PCDH11X: variants seen among roughly 807,000 people sequenced by gnomAD.
PCDH11X encodes the protein protocadherin 11 X-linked.
Under a neutral mutation model 53.3 loss-of-function variants are expected in PCDH11X, and 18 were observed. The ratio of observed to expected loss-of-function variants is 0.34; its 90% CI spans 0.23 to 0.50. The LOEUF (loss-of-function observed/expected upper bound fraction) is 0.50, where lower values mean the gene tolerates loss of function less well. Among genes scored for constraint, PCDH11X ranks in the 20% least tolerant of loss-of-function variants. The pLI, the probability that PCDH11X is intolerant of heterozygous loss-of-function variation, is 0.98. For missense variants in PCDH11X, 570 were observed against 1,032.4 expected (o/e 0.55, Z 6.14); for synonymous variants, 279 against 393.3 (o/e 0.71, Z 3.44).
chrX:92,418,705 C>T (rs1223045704), intron 9 of PCDH11X, among the ~76,000 whole-genome samples: 2 of 110,258 alleles, frequency 1.8e-5, no homozygotes, highest in East Asian at 5.7e-4. Context: ...GGTCTTTTTG[C>T]CTCAGCCTCT....
chrX:92,568,137 A>G (rs1452554115), intron 10 of PCDH11X, among the ~76,000 whole-genome samples: 1 of 109,901 alleles, frequency 9.1e-6, no homozygotes, highest in Admixed American at 9.7e-5. Context: ...AAAAATTTTC[A>G]TAGGCTGGGC....
chrX:92,552,778 C>T lies in PCDH11X; in HGVS notation c.3368-65486C>T, dbSNP rs763652150. 2.9e-4 allele frequency among the ~76,000 whole-genome samples: 32 copies of T among 111,103 alleles called. No homozygotes were observed. The South Asian group carries it at 0.012, about 40-fold the overall frequency. On this transcript the variant is annotated intron_variant, in intron 10 of 10. Coordinates refer to ENST00000682573, the MANE Select transcript of PCDH11X (RefSeq NM_032968.5). ...AAATTTTTTCATATACTTTCAGCAT[C>T]AGTTGAAAAGATCATATGGATTTTA...
chrX:91,921,215 T>TC (rs1408708863), intron 6 of PCDH11X, among the ~76,000 whole-genome samples: 5 of 109,520 alleles, frequency 4.6e-5, no homozygotes, highest in South Asian at 4.0e-4. Context: ...TATAGAGATT[T>TC]CCCGTATCTT....
At chrX:92,069,413 G>A (rs1243642063) in intron 6 of PCDH11X, among the ~76,000 whole-genome samples, 1 of 109,356 alleles carries the variant, frequency 9.1e-6, no homozygotes, top group Non-Finnish European at 1.9e-5. Flanking sequence ...GTCTTCTTTT[G>A]TTTAATCAGT....
At chrX:92,507,111 CTT>C (rs1233680775) in intron 10 of PCDH11X, among the ~76,000 whole-genome samples, 1 of 110,489 alleles carries the variant, frequency 9.1e-6, no homozygotes, top group Non-Finnish European at 1.9e-5. Context: ...TATCTTCCCT[CTT>C]TTTTTCTTTG....
intron 7 of PCDH11X, among the ~76,000 whole-genome samples, chrX:92,257,677 A>G (rs904922451): frequency 1.8e-5 from 2 of 112,600 alleles, no homozygotes; most frequent in African/African-American, 6.5e-5. Flanking sequence ...TTAAATTTTA[A>G]AGCTCCAAAA....
chrX:91,941,157 A>T (rs542477373), intron 6 of PCDH11X, among the ~76,000 whole-genome samples: 1 of 111,172 alleles, frequency 9.0e-6, no homozygotes, highest in African/African-American at 3.3e-5. Flanking sequence ...CAGGAAAGAC[A>T]TAGGACAAAC....
intron 8 of PCDH11X, among the ~76,000 whole-genome samples, chrX:92,375,166 A>ATTTTTTTTT (rs1230279822): frequency 1.2e-4 from 1 of 8,262 alleles, no homozygotes; most frequent in Non-Finnish European, 1.9e-4. Context: ...ATATATATAT[A>ATTTTTTTTT]TTTTTTTTTT....
intron 6 of PCDH11X, among the ~76,000 whole-genome samples, chrX:91,948,238 A>C (rs2061599159): frequency 9.1e-6 from 1 of 110,241 alleles, no homozygotes; most frequent in Admixed American, 9.9e-5. Flanking sequence ...CCTTTAAAAA[A>C]AGAAATGCTA....
chrX:92,016,119 T>C (rs1346459595), intron 6 of PCDH11X, among the ~76,000 whole-genome samples: 1 of 113,163 alleles, frequency 8.8e-6, no homozygotes, highest in Non-Finnish European at 1.9e-5. Flanking sequence ...ATTAATCTTT[T>C]TTTTAGCATT....
intron 7 of PCDH11X, among the ~76,000 whole-genome samples, chrX:92,223,262 G>A (rs1462212775): frequency 1.8e-5 from 2 of 111,364 alleles, no homozygotes; most frequent in Non-Finnish European, 3.8e-5. Flanking sequence ...TTCCCAATCA[G>A]TGCTGTTTGC....
chrX:91,805,888 C>T (rs1295760662), intron 1 of PCDH11X, among the ~76,000 whole-genome samples: 4 of 108,876 alleles, frequency 3.7e-5, no homozygotes, highest in Non-Finnish European at 7.6e-5. Context: ...TGCTTACCCA[C>T]CTCAAATAAA....
chrX:92,563,060 T>G (rs1377356344), intron 10 of PCDH11X, among the ~76,000 whole-genome samples: 1 of 78,363 alleles, frequency 1.3e-5, no homozygotes, highest in African/African-American at 5.1e-5. Flanking sequence ...TTTTTTTTTT[T>G]TTTTTTTTTT....
intron 7 of PCDH11X, among the ~76,000 whole-genome samples, chrX:92,225,121 T>G (rs2066946680): frequency 8.9e-6 from 1 of 111,848 alleles, no homozygotes. Context: ...AATACACATT[T>G]TTTCTTTTAA....
chrX:92,086,544 A>G (rs2063954692), intron 6 of PCDH11X, among the ~76,000 whole-genome samples: 1 of 111,625 alleles, frequency 9.0e-6, no homozygotes, highest in Non-Finnish European at 1.9e-5. Flanking sequence ...AACTATCTGT[A>G]CCTCAAAGAA....
chrX:91,841,233 C>T (rs1291672147), intron 5 of PCDH11X, among the ~76,000 whole-genome samples: 1 of 111,619 alleles, frequency 9.0e-6, no homozygotes, highest in Non-Finnish European at 1.9e-5. Context: ...TAACTTTTGA[C>T]TTCATTACTA....
intron 8 of PCDH11X, among the ~76,000 whole-genome samples, chrX:92,365,433 G>C (rs2070449045): frequency 1.8e-5 from 2 of 109,751 alleles, no homozygotes; most frequent in Admixed American, 2.0e-4. Context: ...GTAAAGACAG[G>C]GTCACACCAT....
intron 6 of PCDH11X, among the ~76,000 whole-genome samples, chrX:92,089,267 T>A (rs2064007753): frequency 8.9e-6 from 1 of 111,737 alleles, no homozygotes; most frequent in African/African-American, 3.2e-5. Flanking sequence ...GGACAGAGAA[T>A]CTTCCCAAAT....
intron 3 of PCDH11X, among the ~76,000 whole-genome samples, chrX:91,810,977 C>A (rs764308638): frequency 8.9e-6 from 1 of 111,770 alleles, no homozygotes; most frequent in South Asian, 3.7e-4. Flanking sequence ...CTTTCATTAG[C>A]AGACAAATAA....
Sources: gnomAD v4.1 joint callset for allele counts (sites outside exome capture counted in the v4.1 genomes callset) on GRCh38, gnomAD v4.1.1 for gene constraint, MANE v1.5 for transcripts, NCBI Gene and HGNC (gene_info 2026-07-23, HGNC 2026-07-21) for gene names.